The following ABCA4 variants were observed in gnomAD, a reference collection of about 807,000 sequenced individuals.
ABCA4 encodes ATP binding cassette subfamily A member 4.
ABCA4 carries 196 observed loss-of-function variants against 263.7 expected under a neutral mutation model. The observed-to-expected ratio is 0.74, with a 90% CI of 0.66 to 0.84. The LOEUF (loss-of-function observed/expected upper bound fraction) is 0.84, where lower values mean the gene tolerates loss of function less well. ABCA4 is among the 40% of genes least tolerant of loss of function. The pLI is 0.00. For synonymous variants in ABCA4, 1,133 were observed against 1,094.2 expected (o/e 1.04, Z -0.70); for missense variants, 2,792 against 2,855.1 (o/e 0.98, Z 0.50).
chr1:94,031,672 G>A, intron 27 of ABCA4, 106 bp downstream of exon 27: 4 of 1,428,082 alleles, frequency 2.8e-6, no homozygotes, highest in Non-Finnish European at 3.9e-6. Flanking sequence ...TAAAGAGGGT[G>A]CTCCTTGCTG....
Position 94,120,965 on chromosome 1 carries a change from G to A in ABCA4, c.66+15C>T. The A allele has an allele frequency of 1.5e-6, 2 of 1,374,842 alleles. No homozygotes were observed. The highest frequency in any genetic ancestry group is 1.9e-6 in the Non-Finnish European group (2 of 1,034,332). 85.2% of individuals were successfully genotyped at this position (1,374,842 alleles called of 1,614,324 possible). Reference sequence around the variant, plus strand: ...CTCCACACCTCATTTTTAAACCACAGACAGTAACTGTTACCTTTTGCCTTT... The same window carrying A: ...CTCCACACCTCATTTTTAAACCACAAACAGTAACTGTTACCTTTTGCCTTT... On this transcript the variant is annotated intron_variant, in intron 1 of 49. Transcript: ENST00000370225.
intron 30 of ABCA4, among the ~76,000 whole-genome samples, chr1:94,026,216 CT>C (rs1244490224): frequency 6.6e-6 from 1 of 151,304 alleles, no homozygotes; most frequent in Non-Finnish European, 1.5e-5. Context: ...TTTCTATCTC[CT>C]CCCCCTGTTT....
chr1:93,998,015 T>C lies in ABCA4; in HGVS notation c.6575A>G (p.Asn2192Ser), dbSNP rs186908930. The change falls in exon 48 of 50, where the codon AAC (asparagine) becomes AGC (serine). Residue 2192 changes from asparagine (N) to serine (S), a missense_variant. Coordinates refer to ENST00000370225, the MANE Select transcript of ABCA4 (RefSeq NM_000350.3). The part of the protein sequence containing the change: ...LNPVEQFFQG[N>S]FPGSVQRERH... ...CTCCCTCTGCACACTGCCTGGGAAG[T>C]TCCCCTGGAAGAACTGCTCCACAGG... 6.2e-7 allele frequency: 1 copy of C among 1,614,060 alleles called. No homozygotes were observed. Among genetic ancestry groups the C allele is most frequent in the Non-Finnish European group, 8.5e-7 (1 of 1,180,034 alleles).
Position 94,080,651 on chromosome 1 carries a change from G to A in ABCA4, c.926C>T (p.Pro309Leu), listed in dbSNP as rs61748545. 1 of 1,614,050 alleles carries A rather than the reference G, an allele frequency of 6.2e-7. No individual in the cohort carries two copies. Among genetic ancestry groups the A allele is most frequent in the East Asian group, 2.2e-5 (1 of 44,880 alleles). ...VTRPLMQNGG[P>L]ETFTKLMGIL... is the part of the protein sequence containing the mutation. ...GCCCATCAGCTTTGTAAAGGTCTCT[G>A]GACCACCATTCTGCATGAGGGGCCT... The change falls in exon 8 of 50, where the codon CCA becomes CTA. Residue 309 changes from proline (P) to leucine (L), a missense_variant. Transcript: ENST00000370225.
intron 15 of ABCA4, among the ~76,000 whole-genome samples, chr1:94,055,976 C>T (rs1660968149): frequency 6.6e-6 from 1 of 152,144 alleles, no homozygotes; most frequent in Admixed American, 6.5e-5. Context: ...GGAAATGGCC[C>T]ATTTGAAAAC....
At chr1:94,115,500 G>T (rs1489795752) in intron 1 of ABCA4, among the ~76,000 whole-genome samples, 1 of 152,052 alleles carries the variant, frequency 6.6e-6, no homozygotes, top group Admixed American at 6.6e-5. Flanking sequence ...TTAAGAGAAG[G>T]TTACTCTGAG....
chr1:94,120,114 T>C (rs1011186186), intron 1 of ABCA4, among the ~76,000 whole-genome samples: 2 of 152,188 alleles, frequency 1.3e-5, no homozygotes, highest in Non-Finnish European at 2.9e-5. Flanking sequence ...CCAGAAAAAA[T>C]TGCACAAAGC....
At chr1:94,108,514 T>C (rs1380611749) in intron 4 of ABCA4, 63 bp downstream of exon 4, 3 of 1,608,046 alleles carry the variant, frequency 1.9e-6, no homozygotes, top group Non-Finnish European at 2.6e-6. Flanking sequence ...TGTTCTTTCC[T>C]ATATCTTCAG....
rs1660627158 is a variant in ABCA4, at chr1:94,044,761, T to C, written c.2919-17A>G. 1.2e-6 allele frequency: 2 copies of C among 1,614,086 alleles called. No homozygotes were observed. Among genetic ancestry groups the C allele is most frequent in the Non-Finnish European group, 1.7e-6 (2 of 1,179,996 alleles). The stretch of plus-strand genomic sequence containing the variant: ...AGGATGGACCTGCAGAACACAGGCG[T>C]CAGTGGCAGAAGAGATGGCCTTTAG... On this transcript the variant is annotated splice_polypyrimidine_tract_variant and intron_variant, in intron 19 of 49. Coordinates refer to ENST00000370225, the MANE Select transcript of ABCA4 (RefSeq NM_000350.3).
At chr1:94,027,797 A>T (rs1257398426) in intron 30 of ABCA4, among the ~76,000 whole-genome samples, 1 of 152,142 alleles carries the variant, frequency 6.6e-6, no homozygotes, top group Non-Finnish European at 1.5e-5. Context: ...CCTTCCCTAA[A>T]CATAGCACAT....
chr1:94,040,153 A>G, intron 23 of ABCA4, 26 bp from the exon 24 acceptor site: 1 of 1,549,106 alleles, frequency 6.5e-7, no homozygotes, highest in Non-Finnish European at 8.9e-7. Flanking sequence ...GGGATGACTG[A>G]CAAGATGCAC....
At chr1:94,044,788 A>T (rs1299432395) in intron 19 of ABCA4, 44 bp from the exon 20 acceptor site, 13 of 1,614,016 alleles carry the variant, frequency 8.1e-6, no homozygotes, top group African/African-American at 1.3e-5. Flanking sequence ...GGCCTTTAGC[A>T]ACATGCCTTA....
chr1:94,020,026 A>G (rs144746364), intron 35 of ABCA4, among the ~76,000 whole-genome samples: 58 of 152,274 alleles, frequency 3.8e-4, no homozygotes, highest in African/African-American at 1.4e-3. Flanking sequence ...AATTATTTTT[A>G]TGGTGTATAG....
intron 7 of ABCA4, among the ~76,000 whole-genome samples, chr1:94,082,635 G>A (rs777398422): frequency 4.6e-5 from 7 of 152,182 alleles, no homozygotes; most frequent in Non-Finnish European, 1.0e-4. Flanking sequence ...CAAGTCAGCT[G>A]CGAATAATGG....
chr1:94,119,112 G>A (rs930035777), intron 1 of ABCA4, among the ~76,000 whole-genome samples: 65 of 152,194 alleles, frequency 4.3e-4, no homozygotes, highest in African/African-American at 1.6e-3. Context: ...CTAGCACGGT[G>A]CCTGGAGATT....
chr1:93,996,203 T>G lies in ABCA4; in HGVS notation c.6730-8A>C. The G allele has an allele frequency of 6.2e-7, 1 of 1,604,434 alleles. No individual in the cohort carries two copies. Among genetic ancestry groups the G allele is most frequent in the Non-Finnish European group, 8.5e-7 (1 of 1,172,136 alleles). ...AGCAAAATTTACAAACACCTAGAGG[T>G]AAGAGAAGAGCGAGATTAGGTAGAT... On this transcript the variant is annotated splice_polypyrimidine_tract_variant and splice_region_variant and intron_variant, in intron 48 of 49. Transcript: ENST00000370225.
At chr1:94,097,854 A>G (rs2101133611) in intron 6 of ABCA4, among the ~76,000 whole-genome samples, 1 of 152,302 alleles carries the variant, frequency 6.6e-6, no homozygotes. Context: ...GGTTCACGCC[A>G]TTCTCCGGCC....
intron 13 of ABCA4, among the ~76,000 whole-genome samples, chr1:94,061,224 C>T (rs1661117014): frequency 6.6e-6 from 1 of 152,088 alleles, no homozygotes; most frequent in Admixed American, 6.5e-5. Context: ...CACAGTCTGC[C>T]CTGGAAGGTC....
At position 94,014,693 on chromosome 1, in the gene ABCA4, G is replaced by C; in HGVS notation, c.5313-3C>G. 7 of 1,614,162 alleles carry C rather than the reference G, an allele frequency of 4.3e-6. No homozygotes were observed. Among genetic ancestry groups the C allele is most frequent in the Non-Finnish European group, 5.9e-6 (7 of 1,180,016 alleles). On this transcript the variant is annotated splice_polypyrimidine_tract_variant and splice_region_variant and intron_variant, in intron 37 of 49. Coordinates refer to ENST00000370225, the MANE Select transcript of ABCA4 (RefSeq NM_000350.3). ...ACATCATGGGAATGACCGCCCATCT[G>C]TGTGAAATGAGACAACTCAGAGTGA...
Sources: gnomAD v4.1 joint callset for allele counts (sites outside exome capture counted in the v4.1 genomes callset) on GRCh38, gnomAD v4.1.1 for gene constraint, MANE v1.5 for transcripts, NCBI Gene and HGNC (gene_info 2026-07-23, HGNC 2026-07-21) for gene names.